Variants in TSPEAR observed in about 807,000 individuals in gnomAD.
The protein encoded by TSPEAR is thrombospondin-type laminin G domain and EAR repeat-containing protein.
Under a neutral mutation model 71.6 loss-of-function variants are expected in TSPEAR, and 69 were observed. The observed-to-expected ratio is 0.96, with a 90% CI of 0.79 to 1.18. The LOEUF is 1.18. Among genes scored for constraint, TSPEAR ranks in the 50% most tolerant of loss-of-function variants. The pLI is 0.00. For missense variants in TSPEAR, 971 were observed against 894.9 expected (o/e 1.09, Z -1.09); for synonymous variants, 402 against 387.2 (o/e 1.04, Z -0.45).
chr21:44,509,176 C>G, intron 10 of TSPEAR, 23 bp downstream of exon 10: 2 of 1,607,652 alleles, frequency 1.2e-6, no homozygotes, highest in Non-Finnish European at 1.7e-6. Flanking sequence ...GCCCACCTCC[C>G]ACTGGCCTGT....
chr21:44,541,803 C>T (rs1357595973), intron 2 of TSPEAR, among the ~76,000 whole-genome samples: 2 of 152,244 alleles, frequency 1.3e-5, no homozygotes, highest in Non-Finnish European at 2.9e-5. Context: ...TAAATAAACT[C>T]GCACTGAACT....
At chr21:44,613,593 G>C (rs1981869013) in intron 1 of TSPEAR, among the ~76,000 whole-genome samples, 1 of 152,164 alleles carries the variant, frequency 6.6e-6, no homozygotes, top group East Asian at 1.9e-4. Flanking sequence ...GCCCGCCCGA[G>C]GGTTCTGCTC....
In TSPEAR at chr21:44,610,580, G is replaced by A. The variant is rs138214143; in HGVS notation, c.83-42575C>T. Among the ~76,000 whole-genome samples the A allele has an allele frequency of 6.7e-4, 102 of 152,352 alleles. No homozygotes were observed. The East Asian group carries it at 0.014, about 20-fold the overall frequency. On this transcript the variant is annotated intron_variant, in intron 1 of 11. Coordinates refer to ENST00000323084, the MANE Select transcript of TSPEAR (RefSeq NM_144991.3). ...GGCCCTCATGGAGAACCTCTGCTAC[G>A]GCAGTGCAGAAGGGAAATGTAGGGC...
intron 11 of TSPEAR, among the ~76,000 whole-genome samples, chr21:44,502,788 G>A (rs904026686): frequency 2.0e-5 from 3 of 152,272 alleles, no homozygotes; most frequent in South Asian, 2.1e-4. Flanking sequence ...TGGCACCTGC[G>A]AGAGAAGGTG....
At chr21:44,640,831 T>C (rs587630756) in intron 1 of TSPEAR, among the ~76,000 whole-genome samples, 3 of 152,330 alleles carry the variant, frequency 2.0e-5, no homozygotes, top group African/African-American at 7.2e-5. Flanking sequence ...TACATGAGGA[T>C]GACTGTGGGC....
At chr21:44,573,264 G>A (rs1159297351) in intron 1 of TSPEAR, among the ~76,000 whole-genome samples, 1 of 151,980 alleles carries the variant, frequency 6.6e-6, no homozygotes, top group Non-Finnish European at 1.5e-5. Context: ...AGAAAACCAA[G>A]GCCCAGCGGA....
At chr21:44,654,297 C>T in intron 1 of TSPEAR, 2 of 1,613,762 alleles carry the variant, frequency 1.2e-6, no homozygotes, top group Non-Finnish European at 1.7e-6. Context: ...TGGGGGTGCT[C>T]CAGGTGACAG....
chr21:44,581,986 A>G (rs1030777183), intron 1 of TSPEAR, among the ~76,000 whole-genome samples: 1 of 152,148 alleles, frequency 6.6e-6, no homozygotes, highest in Non-Finnish European at 1.5e-5. Flanking sequence ...TTGTTAGACA[A>G]TTTTGATTTT....
At position 44,615,559 on chromosome 21, in the gene TSPEAR, T is replaced by TGTTTG. The variant is rs1569221109; in HGVS notation, c.83-47555_83-47554insCAAAC. Among the ~76,000 whole-genome samples the TGTTTG allele has an allele frequency of 4.5e-4, 68 of 151,036 alleles. 1 individual carries two copies. The highest frequency in any genetic ancestry group is 1.5e-3 in the African/African-American group (62 of 40,688). ...ATTCCATAACCAAAGGTTTTTTTTT[T>TGTTTG]TTTTTTAAATTTATTCTGTTTTTTT... On this transcript the variant is annotated intron_variant, in intron 1 of 11. Transcript: ENST00000323084.
chr21:44,563,962 C>G (rs782664000), intron 2 of TSPEAR, among the ~76,000 whole-genome samples: 1 of 152,176 alleles, frequency 6.6e-6, no homozygotes, highest in Admixed American at 6.5e-5. Context: ...GAACACTGAA[C>G]AGCCCCTTCA....
chr21:44,508,565 C>T (rs917316582), intron 10 of TSPEAR: 1 of 1,148,922 alleles, frequency 8.7e-7, no homozygotes, highest in Admixed American at 3.8e-5. Context: ...GGACGCCCCA[C>T]ACTGGTCAGG....
At chr21:44,549,162 G>A (rs1476150490) in intron 2 of TSPEAR, among the ~76,000 whole-genome samples, 5 of 152,200 alleles carry the variant, frequency 3.3e-5, no homozygotes, top group Non-Finnish European at 5.9e-5. Context: ...AAACATTTAG[G>A]GGAAGGGGTC....
rs781828182 is a variant in TSPEAR at position 44,681,982 on chromosome 21, C to T, written c.82+29451G>A. 47 of 1,613,066 alleles carry T rather than the reference C, an allele frequency of 2.9e-5. 1 individual carries two copies. The highest frequency in any genetic ancestry group is 4.4e-5 in the South Asian group (4 of 91,008). ...ACGCACACAGAGGACTGGCATCTCA[C>T]GGGCACACACACGGCTGGCTTGAAG... On this transcript the variant is annotated intron_variant, in intron 1 of 11. Transcript: ENST00000323084.
intron 1 of TSPEAR, among the ~76,000 whole-genome samples, chr21:44,597,573 C>G (rs1980457214): frequency 6.6e-6 from 1 of 151,986 alleles, no homozygotes; most frequent in African/African-American, 2.4e-5. Context: ...GCTGAGATTA[C>G]AGGTGCCCAC....
chr21:44,621,081 T>C (rs1982402363), intron 1 of TSPEAR, among the ~76,000 whole-genome samples: 2 of 152,226 alleles, frequency 1.3e-5, no homozygotes, highest in Admixed American at 6.5e-5. Context: ...TAAGGTAAAA[T>C]CTAATCTGAA....
chr21:44,583,661 C>G (rs782686905), intron 1 of TSPEAR, among the ~76,000 whole-genome samples: 6 of 152,116 alleles, frequency 3.9e-5, no homozygotes, highest in Admixed American at 6.5e-5. Flanking sequence ...TTAATGATAC[C>G]CTTTGTAACT....
intron 2 of TSPEAR, among the ~76,000 whole-genome samples, chr21:44,559,197 T>C (rs782011960): frequency 8.5e-5 from 13 of 152,080 alleles, no homozygotes; most frequent in African/African-American, 1.2e-4. Flanking sequence ...AAGGGAGAGA[T>C]GTGTTCTGCT....
At position 44,559,365 on chromosome 21, in the gene TSPEAR, T is replaced by C. The variant is rs1174959328; in HGVS notation, c.303+8420A>G. On this transcript the variant is annotated intron_variant, in intron 2 of 11. Transcript: ENST00000323084. ...GGAATAGTGTCTTCCTGGGCAGAGA[T>C]TGGCTCGCAGAGGGGAGCAGGGAGG... 4.6e-5 allele frequency among the ~76,000 whole-genome samples: 7 copies of C among 152,144 alleles called. No homozygotes were observed. In the East Asian group the frequency reaches 5.8e-4, roughly 13 times the overall value.
At chr21:44,549,724 T>A (rs6518195) in intron 2 of TSPEAR, among the ~76,000 whole-genome samples, 91,485 of 151,700 alleles carry the variant, frequency 0.6, 27,748 homozygotes, top group South Asian at 0.71. Context: ...TCCACGTGTT[T>A]CTCTCGCCCT....
Sources: gnomAD v4.1 joint callset for allele counts (sites outside exome capture counted in the v4.1 genomes callset) on GRCh38, gnomAD v4.1.1 for gene constraint, MANE v1.5 for transcripts, NCBI Gene and HGNC (gene_info 2026-07-23, HGNC 2026-07-21) for gene names.